Variants in CACNA1E observed in about 807,000 individuals in gnomAD.
CACNA1E encodes the protein calcium voltage-gated channel subunit alpha1 E, also known as voltage-dependent R-type calcium channel subunit alpha-1E.
A neutral mutation model predicts 259.2 loss-of-function variants in CACNA1E; 40 were observed. The ratio of observed to expected loss-of-function variants is 0.15; its 90% CI spans 0.12 to 0.20. The LOEUF (loss-of-function observed/expected upper bound fraction) is 0.20. CACNA1E is among the 10% of genes least tolerant of loss of function. The probability of loss-of-function intolerance (pLI) is 1.00; values close to 1 mark genes in which losing one functional copy is unlikely to be tolerated. For synonymous variants in CACNA1E, 1,104 were observed against 1,138.5 expected, an observed-to-expected ratio of 0.97 and a Z score of 0.61; for missense variants, 1,874 against 3,040.1, an observed-to-expected ratio of 0.62 and a Z score of 9.02.
chr1:181,641,314 A>C (rs548404190), intron 6 of CACNA1E, among the ~76,000 whole-genome samples: 159 of 152,312 alleles, frequency 1.0e-3, no homozygotes, highest in African/African-American at 3.8e-3. Flanking sequence ...AGAAAGAAGG[A>C]AGAGTTCACG....
intron 25 of CACNA1E, 87 bp downstream of exon 25, chr1:181,739,340 C>A: frequency 2.2e-6 from 2 of 921,930 alleles, no homozygotes; most frequent in Non-Finnish European, 3.6e-6. Flanking sequence ...AGAAATGCAA[C>A]ATGCAGGGTG....
chr1:181,567,886 A>T (rs1650001871), intron 3 of CACNA1E, among the ~76,000 whole-genome samples: 1 of 152,170 alleles, frequency 6.6e-6, no homozygotes, highest in Admixed American at 6.5e-5. Flanking sequence ...TGAGTACATC[A>T]CACAAATAAA....
At chr1:181,349,392 G>A (rs1347729694) in intron 1 of CACNA1E, among the ~76,000 whole-genome samples, 1 of 152,214 alleles carries the variant, frequency 6.6e-6, no homozygotes, top group Non-Finnish European at 1.5e-5. Context: ...TTGTTGGGAA[G>A]AACAGCCCTG....
rs767963797 is a variant in CACNA1E at position 181,720,215 on chromosome 1, T to C, written c.1761T>C (p.Ala587=). 1 of 1,613,966 alleles carries C rather than the reference T, an allele frequency of 6.2e-7. No individual in the cohort carries two copies. Among genetic ancestry groups the C allele is most frequent in the Non-Finnish European group, 8.5e-7 (1 of 1,179,850 alleles). ...TGTCTGGGTTTTGTAGGTATTGGGCTTCCCTACGGAATTTGGTGGTCTCCT... is the reference window on the plus strand; with the variant it reads ...TGTCTGGGTTTTGTAGGTATTGGGCCTCCCTACGGAATTTGGTGGTCTCCT... ...LRIFKITKYW[A]SLRNLVVSLM... Residue 587 remains alanine (A), a synonymous_variant, in exon 14 of 48, where the codon GCT becomes GCC. Coordinates refer to ENST00000367573, the MANE Select transcript of CACNA1E (RefSeq NM_001205293.3).
Position 181,728,725 on chromosome 1 carries a change from T to A in CACNA1E, c.2241-2450T>A, listed in dbSNP as rs531507522. ...CAGGTGTGTGTGCTCTGCACAGGTA[T>A]GTGTACAATGCTCAGGTGTGTGTGC... On this transcript the variant is annotated intron_variant, in intron 18 of 47. Coordinates refer to ENST00000367573, the MANE Select transcript of CACNA1E (RefSeq NM_001205293.3). Among the ~76,000 whole-genome samples the A allele has an allele frequency of 3.3e-5, 5 of 151,954 alleles. No individual in the cohort carries two copies. The East Asian group carries it at 9.7e-4, about 30-fold the overall frequency.
At chr1:181,634,646 G>T (rs1041927983) in intron 6 of CACNA1E, among the ~76,000 whole-genome samples, 1 of 151,996 alleles carries the variant, frequency 6.6e-6, no homozygotes, top group South Asian at 2.1e-4. Context: ...GGCTTTATTC[G>T]GGAGGCCAAT....
At chr1:181,629,020 G>A (rs560630159) in intron 6 of CACNA1E, among the ~76,000 whole-genome samples, 75 of 152,200 alleles carry the variant, frequency 4.9e-4, no homozygotes, top group Non-Finnish European at 9.0e-4. Flanking sequence ...AACAATTACC[G>A]TAGGAAATGG....
chr1:181,476,201 G>A (rs765504550), intron 2 of CACNA1E, among the ~76,000 whole-genome samples: 9 of 152,158 alleles, frequency 5.9e-5, no homozygotes, highest in Non-Finnish European at 1.3e-4. Flanking sequence ...AGTGGAAGGG[G>A]CAGAGCTAGT....
intron 2 of CACNA1E, among the ~76,000 whole-genome samples, chr1:181,466,589 A>G (rs1004392782): frequency 3.2e-4 from 48 of 152,152 alleles, no homozygotes; most frequent in Non-Finnish European, 6.0e-4. Context: ...AAAGCAAAAC[A>G]AAACAAAACA....
chr1:181,793,562 CTCTT>C, intron 44 of CACNA1E, 99 bp from the exon 45 acceptor site: 1 of 1,270,634 alleles, frequency 7.9e-7, no homozygotes, highest in Non-Finnish European at 1.1e-6. Context: ...CTGCAAGTCT[CTCTT>C]TTGAAAGCCA....
chr1:181,729,671 A>G lies in CACNA1E; in HGVS notation c.2241-1504A>G, dbSNP rs573142404. Among the ~76,000 whole-genome samples, 136 of 152,276 alleles carry G rather than the reference A, an allele frequency of 8.9e-4. 1 individual carries two copies. In the Middle Eastern group the frequency reaches 0.051, roughly 57 times the overall value. On this transcript the variant is annotated intron_variant, in intron 18 of 47. Transcript: ENST00000367573. ...AAGGTCTCATTCATATGAGTTGGAG[A>G]CATGTGGATGCTTCTCTGTATGATT...
chr1:181,452,926 C>T (rs530938799), intron 2 of CACNA1E, among the ~76,000 whole-genome samples: 13 of 152,286 alleles, frequency 8.5e-5, no homozygotes, highest in Admixed American at 4.6e-4. Flanking sequence ...ACTGGAAGAA[C>T]GAGTATAAAC....
intron 18 of CACNA1E, among the ~76,000 whole-genome samples, chr1:181,727,101 G>A (rs1354500894): frequency 6.6e-6 from 1 of 152,174 alleles, no homozygotes; most frequent in South Asian, 2.1e-4. Context: ...ACTGGCTATT[G>A]GTTACCTGCA....
At chr1:181,452,884 C>T (rs1357462565) in intron 2 of CACNA1E, among the ~76,000 whole-genome samples, 1 of 152,232 alleles carries the variant, frequency 6.6e-6, no homozygotes, top group Non-Finnish European at 1.5e-5. Context: ...CAACACCCTA[C>T]CACCTTTTTC....
At chr1:181,791,919 A>T (rs185598715) in intron 44 of CACNA1E, among the ~76,000 whole-genome samples, 3 of 152,240 alleles carry the variant, frequency 2.0e-5, no homozygotes, top group Non-Finnish European at 4.4e-5. Context: ...GCTCAAACAA[A>T]TGCGTGCTTC....
chr1:181,555,158 T>C (rs1265648117), intron 3 of CACNA1E, among the ~76,000 whole-genome samples: 1 of 152,164 alleles, frequency 6.6e-6, no homozygotes, highest in Non-Finnish European at 1.5e-5. Context: ...GTTTCACTTT[T>C]AACAGAATTT....
At chr1:181,370,749 A>AT (rs531564386) in intron 1 of CACNA1E, among the ~76,000 whole-genome samples, 138 of 151,896 alleles carry the variant, frequency 9.1e-4, no homozygotes, top group African/African-American at 2.4e-3. Context: ...ATATGGGTGC[A>AT]TTTTTTTTGG....
chr1:181,730,451 T>C (rs969759934), intron 18 of CACNA1E, among the ~76,000 whole-genome samples: 1 of 152,224 alleles, frequency 6.6e-6, no homozygotes, highest in African/African-American at 2.4e-5. Flanking sequence ...CTTGTGTTTG[T>C]AAGGACACAA....
intron 43 of CACNA1E, among the ~76,000 whole-genome samples, chr1:181,787,690 G>A (rs1197985253): frequency 2.0e-5 from 3 of 152,298 alleles, no homozygotes; most frequent in South Asian, 2.1e-4. Flanking sequence ...ATGCTGAAGG[G>A]TGGGCTGTTG....
Sources: allele counts gnomAD v4.1 joint callset (sites outside exome capture counted in the v4.1 genomes callset), GRCh38; gene constraint gnomAD v4.1.1; transcripts MANE v1.5; gene names NCBI Gene and HGNC (gene_info 2026-07-23, HGNC 2026-07-21).